The following EGFLAM variants were observed in gnomAD, a reference collection of about 807,000 sequenced individuals.
The protein encoded by EGFLAM is EGF like, fibronectin type III and laminin G domains.
A neutral mutation model predicts 113.1 loss-of-function variants in EGFLAM; 79 were observed. The ratio of observed to expected loss-of-function variants is 0.70; its 90% CI spans 0.58 to 0.84. EGFLAM has a LOEUF of 0.84. Ranked by LOEUF, EGFLAM falls within the 40% of genes least tolerant of loss-of-function variation. The pLI is 0.00. For synonymous variants in EGFLAM, 504 were observed against 487.6 expected (o/e 1.03, Z -0.44); for missense variants, 1,265 against 1,291.6 (o/e 0.98, Z 0.32).
intron 1 of EGFLAM, among the ~76,000 whole-genome samples, chr5:38,283,327 A>T (rs1433234006): frequency 6.6e-6 from 1 of 152,190 alleles, no homozygotes; most frequent in Admixed American, 6.5e-5. Context: ...GAAGACCGGT[A>T]GGAATTACAG....
intron 1 of EGFLAM, among the ~76,000 whole-genome samples, chr5:38,328,677 C>G (rs1465009704): frequency 6.8e-6 from 1 of 147,042 alleles, no homozygotes; most frequent in Non-Finnish European, 1.5e-5. Context: ...TCTTCGGTAA[C>G]TAGCAAATTT....
chr5:38,347,180 C>T (rs973925121), intron 3 of EGFLAM, among the ~76,000 whole-genome samples: 1 of 152,108 alleles, frequency 6.6e-6, no homozygotes, highest in Non-Finnish European at 1.5e-5. Context: ...ATGCAGGGCT[C>T]AGTAGTATCG....
chr5:38,413,185 ATT>A (rs34326457), intron 11 of EGFLAM, among the ~76,000 whole-genome samples: 5,183 of 100,648 alleles, frequency 0.051, 40 homozygotes, highest in Middle Eastern at 0.078. Context: ...TGCCTGGCTA[ATT>A]TTTTTTTTTT....
chr5:38,406,732 AC>A, intron 7 of EGFLAM, 95 bp from the exon 8 acceptor site: 1 of 1,202,644 alleles, frequency 8.3e-7, no homozygotes, highest in Non-Finnish European at 1.2e-6. Context: ...TTTGGAAGTG[AC>A]CATGTTTTCA....
chr5:38,406,432 C>G (rs954047148), intron 7 of EGFLAM, among the ~76,000 whole-genome samples, 191 bp downstream of exon 7: 1 of 152,194 alleles, frequency 6.6e-6, no homozygotes, highest in Non-Finnish European at 1.5e-5. Flanking sequence ...TACTAGCCAT[C>G]CTGATGTTCC....
intron 1 of EGFLAM, among the ~76,000 whole-genome samples, chr5:38,266,359 T>TAA (rs1161334478): frequency 1.3e-5 from 2 of 152,088 alleles, no homozygotes; most frequent in Non-Finnish European, 2.9e-5. Flanking sequence ...AAAAATAGGA[T>TAA]AAAGAAAGAC....
intron 13 of EGFLAM, among the ~76,000 whole-genome samples, chr5:38,425,458 C>T (rs746991472): frequency 3.3e-5 from 5 of 152,292 alleles, no homozygotes; most frequent in Non-Finnish European, 5.9e-5. Flanking sequence ...TGAGCCACCA[C>T]GCCAGGCCTC....
Position 38,438,379 on chromosome 5 carries a change from G to A in EGFLAM, c.2388G>A (p.Gly796=), listed in dbSNP as rs1391198017. The change falls in exon 17 of 22, where the codon GGG becomes GGA. Residue 796 remains glycine (G), a synonymous_variant. Transcript: ENST00000322350. ...GTGTGAGAGCCCCTTGTGCCCATGG[G>A]GGCAGCTGCCGGCCCAGGAAGGAGG... ...HPCVRAPCAH[G]GSCRPRKEGY... The A allele has an allele frequency of 6.2e-7, 1 of 1,613,976 alleles. No homozygotes were observed. Among genetic ancestry groups the A allele is most frequent in the South Asian group, 1.1e-5 (1 of 90,984 alleles).
At chr5:38,450,579 A>G (rs997064415) in intron 18 of EGFLAM, among the ~76,000 whole-genome samples, 7 of 152,094 alleles carry the variant, frequency 4.6e-5, no homozygotes, top group Non-Finnish European at 8.8e-5. Flanking sequence ...CAAGGACCTC[A>G]GCCTTCCTCT....
chr5:38,317,069 G>A (rs1365759061), intron 1 of EGFLAM, among the ~76,000 whole-genome samples: 4 of 152,078 alleles, frequency 2.6e-5, no homozygotes, highest in Non-Finnish European at 4.4e-5. Flanking sequence ...AGAGACCCAC[G>A]GTCAAATCCT....
At chr5:38,293,145 C>A (rs1317060629) in intron 1 of EGFLAM, among the ~76,000 whole-genome samples, 1 of 152,180 alleles carries the variant, frequency 6.6e-6, no homozygotes, top group Non-Finnish European at 1.5e-5. Flanking sequence ...TTTAATTCAT[C>A]TGGTGCTTCA....
intron 1 of EGFLAM, among the ~76,000 whole-genome samples, chr5:38,312,538 C>A (rs899515257): frequency 6.6e-6 from 1 of 152,120 alleles, no homozygotes; most frequent in African/African-American, 2.4e-5. Context: ...CCGCGCCTGG[C>A]CACCTCAGAT....
chr5:38,443,893 C>T (rs1225129531), intron 17 of EGFLAM, among the ~76,000 whole-genome samples: 2 of 151,888 alleles, frequency 1.3e-5, no homozygotes, highest in African/African-American at 4.8e-5. Context: ...GCCTCAGCCT[C>T]ATGAGTAGCT....
chr5:38,306,837 T>C (rs1450185873), intron 1 of EGFLAM, among the ~76,000 whole-genome samples: 1 of 152,202 alleles, frequency 6.6e-6, no homozygotes, highest in African/African-American at 2.4e-5. Context: ...TCCTAACAGT[T>C]TCTGCACATA....
chr5:38,426,430 G>A (rs1241817072), intron 13 of EGFLAM, among the ~76,000 whole-genome samples: 2 of 152,060 alleles, frequency 1.3e-5, no homozygotes, highest in Non-Finnish European at 2.9e-5. Flanking sequence ...ATAAAACTGA[G>A]GCTAAGATCA....
chr5:38,349,919 G>A (rs926626605), intron 3 of EGFLAM, among the ~76,000 whole-genome samples: 16 of 148,120 alleles, frequency 1.1e-4, no homozygotes, highest in Non-Finnish European at 2.1e-4. Flanking sequence ...TTCAGCTGGG[G>A]CTTCCTGCTC....
intron 6 of EGFLAM, among the ~76,000 whole-genome samples, chr5:38,397,541 C>T (rs1387862805): frequency 2.0e-5 from 3 of 152,164 alleles, no homozygotes; most frequent in South Asian, 4.1e-4. Context: ...AATCTTCCCA[C>T]CTCAACTTCC....
At chr5:38,306,227 C>T (rs565836405) in intron 1 of EGFLAM, among the ~76,000 whole-genome samples, 3 of 152,250 alleles carry the variant, frequency 2.0e-5, no homozygotes, top group South Asian at 2.1e-4. Flanking sequence ...AGAAATCTTA[C>T]CTGAATTACT....
At chr5:38,445,281 GTAA>G (rs1179527078) in intron 17 of EGFLAM, among the ~76,000 whole-genome samples, 13 of 152,182 alleles carry the variant, frequency 8.5e-5, no homozygotes, top group Admixed American at 7.2e-4. Flanking sequence ...GCCAAGAAAA[GTAA>G]TAATCATTGA....
Sources: allele counts gnomAD v4.1 joint callset (sites outside exome capture counted in the v4.1 genomes callset), GRCh38; gene constraint gnomAD v4.1.1; transcripts MANE v1.5; gene names NCBI Gene and HGNC (gene_info 2026-07-23, HGNC 2026-07-21).